The following ICA1L variants were observed in gnomAD, a reference collection of about 807,000 sequenced individuals.
ICA1L encodes islet cell autoantigen 1-like protein.
In ICA1L, 50 loss-of-function variants were observed where a neutral mutation model predicts 61.3. That is an observed-to-expected ratio of 0.82 (90% CI 0.65 to 1.03). The LOEUF (loss-of-function observed/expected upper bound fraction) is 1.03. Ranked by LOEUF, ICA1L falls within the 50% of genes least tolerant of loss-of-function variation. The pLI is 0.00. For missense variants in ICA1L, 508 were observed against 556.7 expected, an observed-to-expected ratio of 0.91 and a Z score of 0.88; for synonymous variants, 161 against 191.3, an observed-to-expected ratio of 0.84 and a Z score of 1.31.
chr2:202,823,857 A>G (rs1283652349), intron 3 of ICA1L, among the ~76,000 whole-genome samples: 1 of 152,188 alleles, frequency 6.6e-6, no homozygotes, highest in Non-Finnish European at 1.5e-5. Context: ...CTTTTTGTGC[A>G]AAAAGTTGTT....
At chr2:202,819,947 A>G (rs774660451) in intron 4 of ICA1L, 48 bp from the exon 5 acceptor site, 1 of 1,382,908 alleles carries the variant, frequency 7.2e-7, no homozygotes. Context: ...ATCATAAGTA[A>G]AACAAAACAA....
chr2:202,807,931 G>A (rs1187818962), intron 9 of ICA1L, among the ~76,000 whole-genome samples: 1 of 152,120 alleles, frequency 6.6e-6, no homozygotes, highest in Non-Finnish European at 1.5e-5. Flanking sequence ...ATCATCTGAT[G>A]ACTAAGAGAC....
intron 11 of ICA1L, chr2:202,786,634 G>T: frequency 2.4e-6 from 1 of 410,900 alleles, no homozygotes; most frequent in Non-Finnish European, 4.8e-6. Context: ...GAAGGAACAG[G>T]CCTGATAATT....
At chr2:202,815,645 T>G (rs548031128) in intron 7 of ICA1L, among the ~76,000 whole-genome samples, 6 of 151,912 alleles carry the variant, frequency 3.9e-5, no homozygotes, top group Non-Finnish European at 8.8e-5. Context: ...CTTTTAAATT[T>G]TTTTCATTTA....
chr2:202,826,748 A>ATT (rs747276403), intron 2 of ICA1L, among the ~76,000 whole-genome samples: 3 of 141,468 alleles, frequency 2.1e-5, no homozygotes, highest in Non-Finnish European at 4.7e-5. Flanking sequence ...GGGATTACAG[A>ATT]TTTTTTTTTT....
chr2:202,800,045 GT>G (rs952087246), intron 9 of ICA1L, among the ~76,000 whole-genome samples: 15 of 151,076 alleles, frequency 9.9e-5, no homozygotes, highest in South Asian at 2.1e-4. Flanking sequence ...AGTCAGCTAA[GT>G]TTTTTTTTGT....
At chr2:202,806,011 G>A (rs879146901) in intron 9 of ICA1L, among the ~76,000 whole-genome samples, 2 of 152,092 alleles carry the variant, frequency 1.3e-5, no homozygotes, top group Admixed American at 6.5e-5. Context: ...TCTTTTATCC[G>A]TATGATCTAT....
At chr2:202,839,028 A>G (rs1694236340) in intron 1 of ICA1L, among the ~76,000 whole-genome samples, 1 of 152,204 alleles carries the variant, frequency 6.6e-6, no homozygotes, top group Admixed American at 6.5e-5. Context: ...ACCTCTCACC[A>G]GGCCCACCTC....
chr2:202,786,373 C>T (rs990495214), intron 11 of ICA1L, among the ~76,000 whole-genome samples: 4 of 150,926 alleles, frequency 2.7e-5, no homozygotes, highest in East Asian at 1.9e-4. Flanking sequence ...GGTGAAACCC[C>T]GTCTCTACTA....
intron 4 of ICA1L, among the ~76,000 whole-genome samples, chr2:202,820,771 T>C (rs752551580): frequency 6.6e-6 from 1 of 152,202 alleles, no homozygotes; most frequent in Non-Finnish European, 1.5e-5. Flanking sequence ...ACTGATGTGA[T>C]GTTTCAGAAT....
At chr2:202,790,395 A>T (rs1455438746) in intron 10 of ICA1L, among the ~76,000 whole-genome samples, 1 of 150,258 alleles carries the variant, frequency 6.7e-6, no homozygotes, top group Non-Finnish European at 1.5e-5. Flanking sequence ...ACTTAAGAAA[A>T]TCTACTATAA....
intron 9 of ICA1L, among the ~76,000 whole-genome samples, chr2:202,800,581 GA>G (rs1179979015): frequency 6.6e-6 from 1 of 151,900 alleles, no homozygotes; most frequent in African/African-American, 2.4e-5. Context: ...CACACATAGA[GA>G]CAAAAAAAGT....
Position 202,865,087 on chromosome 2 carries a change from C to A in ICA1L, c.-8+6532G>T, listed in dbSNP as rs1176378866. Among the ~76,000 whole-genome samples the A allele has an allele frequency of 2.0e-5, 3 of 151,572 alleles. No homozygotes were observed. In the South Asian group the frequency reaches 6.3e-4, roughly 32 times the overall value. ...CTGAGGCAGGAGAATTGCTTGAATC[C>A]GGGAGGTGGAGGTTGCAGTGAGCTG... is the stretch of plus-strand genomic sequence containing the variant. On this transcript the variant is annotated intron_variant, in intron 1 of 12. Transcript: ENST00000358299.
chr2:202,796,535 G>A (rs1692930954), intron 10 of ICA1L, among the ~76,000 whole-genome samples: 1 of 152,126 alleles, frequency 6.6e-6, no homozygotes, highest in Admixed American at 6.6e-5. Flanking sequence ...TTTATTTAAT[G>A]TTGAATGACA....
intron 1 of ICA1L, among the ~76,000 whole-genome samples, chr2:202,851,512 T>C (rs549955572): frequency 2.1e-3 from 317 of 152,364 alleles, no homozygotes; most frequent in African/African-American, 7.4e-3. Context: ...TTTATAATCC[T>C]TTGGGTATAT....
At chr2:202,801,248 G>A (rs1220692237) in intron 9 of ICA1L, among the ~76,000 whole-genome samples, 1 of 152,162 alleles carries the variant, frequency 6.6e-6, no homozygotes, top group African/African-American at 2.4e-5. Context: ...GGTAACCTCA[G>A]TCCTCTCTCT....
At chr2:202,827,277 C>T (rs1693872181) in intron 2 of ICA1L, among the ~76,000 whole-genome samples, 2 of 151,946 alleles carry the variant, frequency 1.3e-5, no homozygotes, top group Admixed American at 1.3e-4. Flanking sequence ...TCCTGTAATC[C>T]CAGCTATTCA....
At chr2:202,779,799 A>ATTT in intron 12 of ICA1L, 151 bp from the exon 13 acceptor site, 5 of 435,632 alleles carry the variant, frequency 1.1e-5, no homozygotes, top group South Asian at 3.7e-5. Context: ...TCCCTTTAAG[A>ATTT]TTTTTTTTTT....
chr2:202,792,590 G>A (rs907183637), intron 10 of ICA1L, among the ~76,000 whole-genome samples: 6 of 152,030 alleles, frequency 3.9e-5, no homozygotes, highest in Admixed American at 3.3e-4. Context: ...AGATCACAAG[G>A]TCAGGAGATC....
Sources: allele counts gnomAD v4.1 joint callset (sites outside exome capture counted in the v4.1 genomes callset), GRCh38; gene constraint gnomAD v4.1.1; transcripts MANE v1.5; gene names NCBI Gene and HGNC (gene_info 2026-07-23, HGNC 2026-07-21).